The following PLEKHG1 variants were observed in gnomAD, a reference collection of about 807,000 sequenced individuals.
The protein encoded by PLEKHG1 is pleckstrin homology and RhoGEF domain containing G1, also known as pleckstrin homology domain-containing family G member 1.
Under a neutral mutation model 100.8 loss-of-function variants are expected in PLEKHG1, and 44 were observed. That is an observed-to-expected ratio of 0.44 (90% CI 0.34 to 0.56). The LOEUF (loss-of-function observed/expected upper bound fraction) is 0.56, where lower values mean the gene tolerates loss of function less well. Among genes scored for constraint, PLEKHG1 ranks in the 20% least tolerant of loss-of-function variants. The probability of loss-of-function intolerance (pLI) is 0.01; values close to 1 mark genes in which losing one functional copy is unlikely to be tolerated. For missense variants in PLEKHG1, 1,545 were observed against 1,720.9 expected, an observed-to-expected ratio of 0.90 and a Z score of 1.81; for synonymous variants, 640 against 662.5, an observed-to-expected ratio of 0.97 and a Z score of 0.52.
At chr6:150,680,116 G>A (rs1044688675) in intron 3 of PLEKHG1, among the ~76,000 whole-genome samples, 7 of 152,168 alleles carry the variant, frequency 4.6e-5, no homozygotes, top group African/African-American at 1.4e-4. Context: ...TAAGGATAGG[G>A]TGACATCAGG....
chr6:150,842,365 G>GCT (rs1485766746), exon 16 of PLEKHG1: 1 of 151,582 alleles, frequency 6.6e-6, no homozygotes, highest in Non-Finnish European at 1.5e-5. Context: ...AGGGGCCTGG[G>GCT]CTCTTCATTT....
chr6:150,809,357 C>A, intron 8 of PLEKHG1, 24 bp from the exon 10 acceptor site: 1 of 1,611,968 alleles, frequency 6.2e-7, no homozygotes, highest in Non-Finnish European at 8.5e-7. Context: ...GTGTGCCTCA[C>A]CCTCTCTGCT....
At chr6:150,822,836 C>G (rs1776381404) in intron 13 of PLEKHG1, among the ~76,000 whole-genome samples, 1 of 152,084 alleles carries the variant, frequency 6.6e-6, no homozygotes, top group Non-Finnish European at 1.5e-5. Flanking sequence ...AAAAATTCAC[C>G]AGGCATGGTG....
intron 1 of PLEKHG1, among the ~76,000 whole-genome samples, chr6:150,609,751 T>C (rs1470653895): frequency 6.6e-6 from 1 of 152,120 alleles, no homozygotes; most frequent in Non-Finnish European, 1.5e-5. Context: ...TGGGAATCCA[T>C]GCAGTGGTAC....
At chr6:150,761,628 T>G (rs563891359) in intron 2 of PLEKHG1, among the ~76,000 whole-genome samples, 47 of 152,232 alleles carry the variant, frequency 3.1e-4, no homozygotes, top group South Asian at 2.9e-3. Context: ...TTGTCAGAAG[T>G]GTAGGAAAAG....
In PLEKHG1 at chr6:150,779,709, G is replaced by A. The variant is rs188685519; in HGVS notation, c.513-6681G>A. Among the ~76,000 whole-genome samples, 39 of 151,762 alleles carry A rather than the reference G, an allele frequency of 2.6e-4. 1 individual carries two copies. In the East Asian group the frequency reaches 6.5e-3, roughly 25 times the overall value. On this transcript the variant is annotated intron_variant, in intron 3 of 15. Transcript: ENST00000358517. ...AGGCCGGGCGTGGTGGCTCACGCCC[G>A]TATTCCCAGCACTTTGGGAGGCCGA...
At chr6:150,724,574 T>C (rs1304600019) in intron 1 of PLEKHG1, among the ~76,000 whole-genome samples, 2 of 149,448 alleles carry the variant, frequency 1.3e-5, no homozygotes, top group African/African-American at 4.9e-5. Context: ...TTTTTTTTTT[T>C]TTTGAGATGG....
intron 3 of PLEKHG1, among the ~76,000 whole-genome samples, chr6:150,660,679 T>C (rs946484225): frequency 6.6e-6 from 1 of 152,198 alleles, no homozygotes; most frequent in Non-Finnish European, 1.5e-5. Context: ...CTCCAAACTT[T>C]ATCTATAATT....
chr6:150,813,388 G>C (rs772663622), intron 10 of PLEKHG1, among the ~76,000 whole-genome samples: 23 of 151,946 alleles, frequency 1.5e-4, no homozygotes, highest in Admixed American at 3.3e-4. Context: ...AACTGAGGCT[G>C]GCCCCCATGA....
chr6:150,838,846 C>T (rs1038279598), intron 15 of PLEKHG1, among the ~76,000 whole-genome samples: 3 of 152,112 alleles, frequency 2.0e-5, no homozygotes, highest in Admixed American at 6.5e-5. Context: ...AATGTCTTGG[C>T]GGCCTAGGCT....
At chr6:150,778,133 C>G (rs563495854) in intron 3 of PLEKHG1, among the ~76,000 whole-genome samples, 1 of 152,278 alleles carries the variant, frequency 6.6e-6, no homozygotes, top group Non-Finnish European at 1.5e-5. Context: ...TTTGCAATTC[C>G]ATTCTTTTTT....
At chr6:150,805,989 A>G (rs1036251713) in intron 7 of PLEKHG1, among the ~76,000 whole-genome samples, 1 of 152,186 alleles carries the variant, frequency 6.6e-6, no homozygotes, top group African/African-American at 2.4e-5. Context: ...AAGAGGCTGC[A>G]TGGGCCCAGA....
At chr6:150,603,163 G>A (rs891297549) in intron 1 of PLEKHG1, among the ~76,000 whole-genome samples, 10 of 151,532 alleles carry the variant, frequency 6.6e-5, no homozygotes, top group African/African-American at 2.2e-4. Context: ...GGTTTCTAAT[G>A]CGAAATGTTG....
intron 5 of PLEKHG1, 43 bp downstream of exon 6, chr6:150,795,945 A>G: frequency 7.7e-7 from 1 of 1,290,730 alleles, no homozygotes; most frequent in Non-Finnish European, 1.1e-6. Flanking sequence ...GTTCACTTTC[A>G]CATTGTTTCA....
exon 1 of PLEKHG1, chr6:150,721,124 G>T: frequency 1.0e-6 from 1 of 984,726 alleles, no homozygotes; most frequent in Non-Finnish European, 1.2e-6. Flanking sequence ...GACTAGCAAA[G>T]GCTGTTTCTT....
intron 1 of PLEKHG1, among the ~76,000 whole-genome samples, chr6:150,727,030 T>C (rs1781995989): frequency 6.6e-6 from 1 of 152,240 alleles, no homozygotes; most frequent in Non-Finnish European, 1.5e-5. Flanking sequence ...TAACTATTTC[T>C]GTATACTTTA....
intron 1 of PLEKHG1, among the ~76,000 whole-genome samples, chr6:150,722,326 CTTTTCTTTTTTCTTTTTCTTTTCTT>C (rs1781725537): frequency 1.0e-5 from 1 of 98,594 alleles, no homozygotes; most frequent in Non-Finnish European, 1.8e-5. Flanking sequence ...TCTCTGCCTC[CTTTTCTTTTTTCTTTTTCTTTTCTT>C]TTTTTTTTTT....
At chr6:150,808,933 G>A (rs1255075160) in intron 7 of PLEKHG1, among the ~76,000 whole-genome samples, 172 bp from the exon 9 acceptor site, 2 of 152,164 alleles carry the variant, frequency 1.3e-5, no homozygotes, top group East Asian at 1.9e-4. Flanking sequence ...ACCCTTAAGT[G>A]GCACCACTTG....
intron 1 of PLEKHG1, among the ~76,000 whole-genome samples, chr6:150,611,739 T>C (rs1331291557): frequency 1.3e-5 from 2 of 148,226 alleles, no homozygotes. Context: ...TTCAACTCGG[T>C]AGGCGGAGGT....
Sources: allele counts gnomAD v4.1 joint callset (sites outside exome capture counted in the v4.1 genomes callset), GRCh38; gene constraint gnomAD v4.1.1; transcripts MANE v1.5; gene names NCBI Gene and HGNC (gene_info 2026-07-23, HGNC 2026-07-21).